TBL2: variants seen among roughly 807,000 people sequenced by gnomAD.
The protein encoded by TBL2 is transducin beta like 2, also known as transducin beta-like protein 2.
In TBL2, 33 loss-of-function variants were observed where a neutral mutation model predicts 41.8. The observed-to-expected ratio is 0.79, with a 90% CI of 0.60 to 1.06. TBL2 has a LOEUF of 1.06. TBL2 is among the 50% of genes least tolerant of loss of function. The pLI is 0.00. For missense variants in TBL2, 522 were observed against 603.8 expected (o/e 0.86, Z 1.42); for synonymous variants, 239 against 241.7 (o/e 0.99, Z 0.10).
intron 1 of TBL2, chr7:73,576,552 C>T (rs1465328241): frequency 1.1e-5 from 5 of 453,484 alleles, no homozygotes; most frequent in East Asian, 7.0e-5. Flanking sequence ...TGAAAGAACT[C>T]GGGGATGAGA....
rs1792902165 is a variant in TBL2, at chr7:73,570,928, G to A, written c.923C>T (p.Thr308Ile). 6.2e-7 allele frequency: 1 copy of A among 1,612,236 alleles called. No individual in the cohort carries two copies. The highest frequency in any genetic ancestry group is 1.1e-5 in the South Asian group (1 of 90,942). Residue 308 changes from threonine (T) to isoleucine (I), a missense_variant, in exon 7 of 7, where the codon ACA (threonine) becomes ATA (isoleucine). Thr to Ile is a moderately conservative substitution (Grantham distance 89). Coordinates refer to ENST00000305632, the MANE Select transcript of TBL2 (RefSeq NM_012453.4). ...CTGCTTCTTCTTGTATTCCACATCT[G>A]TGTCCCACAGTTTCCATGTACCATC... ...SKDGTWKLWD[T>I]DVEYKKKQDP...
chr7:73,574,695 T>G (rs1309135033), intron 1 of TBL2, 182 bp from the exon 2 acceptor site: 1 of 769,988 alleles, frequency 1.3e-6, no homozygotes, highest in Non-Finnish European at 2.1e-6. Context: ...GTATGGTGGC[T>G]CATGCCTGTA....
intron 2 of TBL2, 56 bp from the exon 3 acceptor site, chr7:73,574,178 C>T: frequency 6.3e-7 from 1 of 1,595,404 alleles, no homozygotes; most frequent in Admixed American, 1.7e-5. Flanking sequence ...GATGGGGAAG[C>T]CAAACCTGGA....
In TBL2 at chr7:73,569,887, C is replaced by A. The variant is rs1309689708; in HGVS notation, c.*620G>T. The A allele has an allele frequency of 6.6e-6, 1 of 152,228 alleles. No homozygotes were observed. Among genetic ancestry groups the A allele is most frequent in the African/African-American group, 2.4e-5 (1 of 41,462 alleles). The allele number at this position is 152,228 out of a possible 1,614,324, so 9.4% of individuals were successfully genotyped here. ...AGCACACTGGTTCCCACTTTTACCA[C>A]TTTCATGACATTGGACAATAGTACT... On this transcript the variant is annotated 3_prime_UTR_variant, in exon 7 of 7. Transcript: ENST00000305632.
At chr7:73,574,217 AT>A in intron 2 of TBL2, 95 bp from the exon 3 acceptor site, 1 of 1,545,296 alleles carries the variant, frequency 6.5e-7, no homozygotes, top group Non-Finnish European at 8.8e-7. Flanking sequence ...TGTGGCCTGG[AT>A]TAACAGCAAG....
At position 73,570,540 on chromosome 7, in the gene TBL2, CT is replaced by C; in HGVS notation, c.1310del (p.Glu437GlyfsTer3). ...RLQQQLTQAQ[E>X]TLKSLGALKK is the part of the protein sequence containing the mutation. ...TCAGGGCACCCAGGCTCTTCAGGGT[CT>C]CTTGGGCCTGGGTCAGCTGCTGCTG... On this transcript the variant is annotated frameshift_variant, in exon 7 of 7. Coordinates refer to ENST00000305632, the MANE Select transcript of TBL2 (RefSeq NM_012453.4). LOFTEE classifies it high-confidence loss of function. 6.3e-7 allele frequency: 1 copy of C among 1,592,888 alleles called. No homozygotes were observed. The highest frequency in any genetic ancestry group is 8.5e-7 in the Non-Finnish European group (1 of 1,170,276).
Position 73,575,295 on chromosome 7 carries a change from T to C in TBL2, c.131-782A>G, listed in dbSNP as rs1351362358. Among the ~76,000 whole-genome samples, 3 of 143,280 alleles carry C rather than the reference T, an allele frequency of 2.1e-5. No individual in the cohort carries two copies. The East Asian group carries it at 6.1e-4, about 29-fold the overall frequency. The allele number at this position is 143,280 out of a possible 152,430, so 94.0% of individuals were successfully genotyped here. ...CGTGCACCACCATATCCAGCTAATTTTTTTTTTTTTTTTCAGATGGAGTCT... is the reference window on the plus strand; with the variant it reads ...CGTGCACCACCATATCCAGCTAATTCTTTTTTTTTTTTTCAGATGGAGTCT... On this transcript the variant is annotated intron_variant, in intron 1 of 6. Coordinates refer to ENST00000305632, the MANE Select transcript of TBL2 (RefSeq NM_012453.4).
intron 5 of TBL2, chr7:73,572,050 C>T (rs551173580): frequency 6.2e-4 from 98 of 157,556 alleles, no homozygotes; most frequent in Non-Finnish European, 1.2e-3. Context: ...GCAACAAGAG[C>T]GAAACTCCAT....
intron 3 of TBL2, 59 bp from the exon 4 acceptor site, chr7:73,573,530 G>C: frequency 1.2e-6 from 2 of 1,605,022 alleles, no homozygotes; most frequent in South Asian, 1.1e-5. Flanking sequence ...CTGTGTTCCA[G>C]GTCCTGTGCT....
rs1051388383 is a variant in TBL2 at position 73,568,247 on chromosome 7, G to A, written c.*2260C>T. Among the ~76,000 whole-genome samples the A allele has an allele frequency of 6.6e-6, 1 of 152,128 alleles. No homozygotes were observed. Among genetic ancestry groups the A allele is most frequent in the Non-Finnish European group, 1.5e-5 (1 of 68,024 alleles). ...GGACCACAGAGCTGACAGTGGGATG[G>A]TCCAGGAGTCTGCCCGGTGGTGCTC... On this transcript the variant is annotated 3_prime_UTR_variant, in exon 7 of 7. Coordinates refer to ENST00000305632, the MANE Select transcript of TBL2 (RefSeq NM_012453.4).
rs1489505182 is a variant in TBL2 at position 73,568,269 on chromosome 7, GCT to G, written c.*2236_*2237del. ...ATGGTCCAGGAGTCTGCCCGGTGGTGCTCTCATTCCAGTGGGTTCAACAGTGA... is the reference window on the plus strand; with the variant it reads ...ATGGTCCAGGAGTCTGCCCGGTGGTGCTCATTCCAGTGGGTTCAACAGTGA... On this transcript the variant is annotated 3_prime_UTR_variant, in exon 7 of 7. Coordinates refer to ENST00000305632, the MANE Select transcript of TBL2 (RefSeq NM_012453.4). 6.6e-6 allele frequency among the ~76,000 whole-genome samples: 1 copy of G among 152,118 alleles called. No individual in the cohort carries two copies. Among genetic ancestry groups the G allele is most frequent in the Non-Finnish European group, 1.5e-5 (1 of 68,022 alleles).
rs1793170717 is a variant in TBL2, at chr7:73,574,487, C to T, written c.157G>A (p.Asp53Asn). The T allele has an allele frequency of 1.2e-6, 2 of 1,614,208 alleles. No individual in the cohort carries two copies. The highest frequency in any genetic ancestry group is 1.7e-6 in the Non-Finnish European group (2 of 1,180,050). ...TGCTTCTTGGATCCCGAAGATTTGT[C>T]AGGTGGAAATCCATTTGCTTTTTGG... Reference protein sequence around the residue: ...ACQKANGFPPDKSSGSKKQKQ... With the variant: ...ACQKANGFPPNKSSGSKKQKQ... The change falls in exon 2 of 7, where the codon GAC (aspartate) becomes AAC (asparagine). Residue 53 changes from aspartate (D) to asparagine (N), a missense_variant. Physicochemically the swap from Asp to Asn is conservative, Grantham distance 23. Coordinates refer to ENST00000305632, the MANE Select transcript of TBL2 (RefSeq NM_012453.4).
At chr7:73,574,550 C>A (rs1793174422) in intron 1 of TBL2, 37 bp from the exon 2 acceptor site, 1 of 1,614,098 alleles carries the variant, frequency 6.2e-7, no homozygotes. Flanking sequence ...CAGTTACTCA[C>A]TGATAAGCAT....
At position 73,568,209 on chromosome 7, in the gene TBL2, AGGTACTGTGCCT is replaced by A. The variant is rs1434372150; in HGVS notation, c.*2286_*2297del. Among the ~76,000 whole-genome samples, 1 of 152,134 alleles carries A rather than the reference AGGTACTGTGCCT, an allele frequency of 6.6e-6. No individual in the cohort carries two copies. The highest frequency in any genetic ancestry group is 2.4e-5 in the African/African-American group (1 of 41,420). The stretch of plus-strand genomic sequence containing the variant: ...TCACATTGAGTGCTTACACTGTCCC[AGGTACTGTGCCT>A]GGACCACAGAGCTGACAGTGGGATG... On this transcript the variant is annotated 3_prime_UTR_variant, in exon 7 of 7. Coordinates refer to ENST00000305632, the MANE Select transcript of TBL2 (RefSeq NM_012453.4).
chr7:73,573,012 G>A (rs1218392551), intron 4 of TBL2, 42 bp from the exon 5 acceptor site: 3 of 1,612,422 alleles, frequency 1.9e-6, no homozygotes, highest in African/African-American at 2.7e-5. Context: ...GCAGTGACCT[G>A]ACCAACTGTC....
intron 2 of TBL2, 46 bp downstream of exon 2, chr7:73,574,337 T>G: frequency 1.2e-6 from 2 of 1,610,056 alleles, no homozygotes; most frequent in South Asian, 2.2e-5. Context: ...GAAAAGCCTG[T>G]GGGGCTGAGT....
rs1792887113 is a variant in TBL2, at chr7:73,570,802, C to G, written c.1049G>C (p.Ser350Thr). Residue 350 changes from serine (S) to threonine (T), a missense_variant, in exon 7 of 7, where the codon AGT (serine) becomes ACT (threonine). Transcript: ENST00000305632. The stretch of plus-strand genomic sequence containing the variant: ...ATTGTAGAGATGAATACTACTGCCA[C>G]TGGCCAAGGCCAAGACCTGGGCGTT... ...SPNAQVLALA[S>T]GSSIHLYNTR... is the part of the protein sequence containing the mutation. The G allele has an allele frequency of 6.2e-7, 1 of 1,614,104 alleles. No individual in the cohort carries two copies. Among genetic ancestry groups the G allele is most frequent in the Non-Finnish European group, 8.5e-7 (1 of 1,180,046 alleles).
At chr7:73,578,058 A>G in intron 1 of TBL2, 3 of 558,104 alleles carry the variant, frequency 5.4e-6, no homozygotes, top group South Asian at 4.7e-5. Context: ...ACAGGGTCAT[A>G]GATGCCCAGT....
intron 5 of TBL2, chr7:73,571,626 C>T (rs183216141): frequency 7.0e-4 from 247 of 350,988 alleles, no homozygotes; most frequent in African/African-American, 4.6e-3. Flanking sequence ...CGTGGTGGCG[C>T]ATGCCTGTAG....
Sources: allele counts gnomAD v4.1 joint callset (sites outside exome capture counted in the v4.1 genomes callset), GRCh38; gene constraint gnomAD v4.1.1; transcripts MANE v1.5; gene names NCBI Gene and HGNC (gene_info 2026-07-23, HGNC 2026-07-21).